COL4A4: variants seen among roughly 807,000 people sequenced by gnomAD.
The protein encoded by COL4A4 is collagen alpha-4(IV) chain.
A neutral mutation model predicts 192.9 loss-of-function variants in COL4A4; 105 were observed. That is an observed-to-expected ratio of 0.54 (90% CI 0.46 to 0.64). The LOEUF (loss-of-function observed/expected upper bound fraction) is 0.64. Ranked by LOEUF, COL4A4 falls within the 30% of genes least tolerant of loss-of-function variation. The probability of loss-of-function intolerance (pLI) is 0.00; values close to 1 mark genes in which losing one functional copy is unlikely to be tolerated. For synonymous variants in COL4A4, 762 were observed against 769.9 expected, an observed-to-expected ratio of 0.99 and a Z score of 0.17; for missense variants, 1,967 against 2,169.3, an observed-to-expected ratio of 0.91 and a Z score of 1.85.
rs1253372601 is a variant in COL4A4 at position 227,003,603 on chromosome 2, G to A, written c.*3722C>T. On this transcript the variant is annotated 3_prime_UTR_variant, in exon 48 of 48. Coordinates refer to ENST00000396625, the MANE Select transcript of COL4A4 (RefSeq NM_000092.5). ...TGGTTTGCTTTACTGTAATCTACAC[G>A]AGGTTCAAAATAAGATGATAAAGCC... 1 of 152,136 alleles carries A rather than the reference G, an allele frequency of 6.6e-6. No homozygotes were observed. The highest frequency in any genetic ancestry group is 6.5e-5 in the Admixed American group (1 of 15,278). The allele number at this position is 152,136 out of a possible 1,614,324, so 9.4% of individuals were successfully genotyped here.
chr2:227,143,919 G>A (rs1167561761), intron 3 of COL4A4, among the ~76,000 whole-genome samples: 1 of 152,198 alleles, frequency 6.6e-6, no homozygotes, highest in Non-Finnish European at 1.5e-5. Context: ...AGGTAATTTT[G>A]CACTTTGATT....
chr2:227,158,951 T>C (rs2064578246), intron 1 of COL4A4, among the ~76,000 whole-genome samples: 1 of 152,188 alleles, frequency 6.6e-6, no homozygotes. Context: ...AACCATTTCA[T>C]TCCTAGGTAT....
chr2:227,144,318 C>T (rs1413837909), intron 3 of COL4A4, among the ~76,000 whole-genome samples, 198 bp downstream of exon 3: 1 of 152,030 alleles, frequency 6.6e-6, no homozygotes, highest in African/African-American at 2.4e-5. Context: ...TAAAGAAATC[C>T]CCAATACCTA....
chr2:227,038,882 C>T (rs1047339654), intron 37 of COL4A4, among the ~76,000 whole-genome samples: 7 of 152,178 alleles, frequency 4.6e-5, no homozygotes, highest in African/African-American at 1.7e-4. Flanking sequence ...ATTTATACTG[C>T]AGATGTTTTA....
intron 27 of COL4A4, 35 bp downstream of exon 27, chr2:227,060,101 G>GGAAAAAAAA: frequency 4.0e-6 from 2 of 503,760 alleles, no homozygotes; most frequent in South Asian, 2.2e-5. Context: ...TCCCAAAGCA[G>GGAAAAAAAA]AAAAAAAAAA....
intron 1 of COL4A4, among the ~76,000 whole-genome samples, chr2:227,156,550 G>C (rs1204374189): frequency 6.6e-6 from 1 of 152,012 alleles, no homozygotes; most frequent in Non-Finnish European, 1.5e-5. Flanking sequence ...TAAACATCAG[G>C]AGAGAAAAAT....
chr2:227,111,826 TC>T, intron 8 of COL4A4, 113 bp from the exon 9 acceptor site: 1 of 1,168,464 alleles, frequency 8.6e-7, no homozygotes, highest in South Asian at 1.3e-5. Context: ...TGCAGTTTGT[TC>T]AATTTTTTTG....
chr2:227,113,601 G>C (rs1312704406), intron 8 of COL4A4, among the ~76,000 whole-genome samples: 3 of 152,106 alleles, frequency 2.0e-5, no homozygotes, highest in African/African-American at 7.2e-5. Flanking sequence ...AGTCACAGTG[G>C]AGAGTAAGCC....
At chr2:227,034,995 G>C (rs1240406977) in intron 37 of COL4A4, among the ~76,000 whole-genome samples, 2 of 151,640 alleles carry the variant, frequency 1.3e-5, no homozygotes, top group African/African-American at 4.8e-5. Flanking sequence ...TCTCAAATTT[G>C]GGATAAAAAT....
chr2:227,155,231 G>C (rs902309813), intron 1 of COL4A4, among the ~76,000 whole-genome samples: 2 of 151,472 alleles, frequency 1.3e-5, no homozygotes, highest in African/African-American at 4.9e-5. Context: ...GACTGCTGCA[G>C]AGTCCTCAGT....
chr2:227,057,736 G>C, intron 28 of COL4A4, 136 bp from the exon 29 acceptor site: 1 of 945,290 alleles, frequency 1.1e-6, no homozygotes, highest in East Asian at 2.6e-5. Context: ...TTAAGTCTTT[G>C]AGTGGATTTT....
intron 25 of COL4A4, among the ~76,000 whole-genome samples, chr2:227,063,576 GA>G (rs1385038937): frequency 1.3e-5 from 2 of 151,816 alleles, no homozygotes; most frequent in Admixed American, 6.5e-5. Context: ...TGTTACAAAA[GA>G]AAAAAACTTA....
At chr2:227,054,797 G>A (rs931334480) in intron 30 of COL4A4, 60 bp from the exon 31 acceptor site, 6 of 1,530,684 alleles carry the variant, frequency 3.9e-6, no homozygotes, top group Non-Finnish European at 5.3e-6. Flanking sequence ...TATTTTTTCA[G>A]GGGTGGGAGG....
chr2:227,097,333 C>A (rs555628659), intron 19 of COL4A4, among the ~76,000 whole-genome samples: 1 of 151,820 alleles, frequency 6.6e-6, no homozygotes, highest in Non-Finnish European at 1.5e-5. Flanking sequence ...TGTCACATAC[C>A]GAAAATGTAT....
rs756683938 is a variant in COL4A4 at position 227,043,098 on chromosome 2, A to T, written c.3376T>A (p.Ser1126Thr). 6.2e-7 allele frequency: 1 copy of T among 1,613,506 alleles called. No homozygotes were observed. The highest frequency in any genetic ancestry group is 8.5e-7 in the Non-Finnish European group (1 of 1,179,816). ...SPGRPGPPGS[S>T]GPPGCPGDHG... is the part of the protein sequence containing the mutation. ...GTACCTGGGCACCCTGGTGGTCCAGAGGAGCCAGGTGGCCCTGGCCTTCCA... is the reference window on the plus strand; with the variant it reads ...GTACCTGGGCACCCTGGTGGTCCAGTGGAGCCAGGTGGCCCTGGCCTTCCA... The change falls in exon 36 of 48, where the codon TCT (serine) becomes ACT (threonine). Residue 1126 changes from serine (S) to threonine (T), a missense_variant. Coordinates refer to ENST00000396625, the MANE Select transcript of COL4A4 (RefSeq NM_000092.5).
chr2:227,052,169 C>T (rs376526438), intron 32 of COL4A4, 136 bp downstream of exon 32: 7 of 619,570 alleles, frequency 1.1e-5, no homozygotes, highest in Middle Eastern at 4.3e-4. Context: ...CCAGCCTGGG[C>T]GACAAGAGCA....
In COL4A4 at chr2:227,032,210, G is replaced by A. The variant is rs189847470; in HGVS notation, c.3644C>T (p.Pro1215Leu). 24 of 1,614,128 alleles carry A rather than the reference G, an allele frequency of 1.5e-5. No individual in the cohort carries two copies. In the Admixed American group the frequency reaches 4.0e-4, roughly 27 times the overall value. The change falls in exon 39 of 48, where the codon CCT becomes CTT. Residue 1215 changes from proline (P) to leucine (L), a missense_variant. By Grantham distance (98) the Pro-to-Leu change is moderately conservative (BLOSUM62 -3). Transcript: ENST00000396625. Reference protein sequence around the residue: ...IPGLKGERGDPGSPGISPPGP... With the variant: ...IPGLKGERGDLGSPGISPPGP... Reference sequence around the variant, plus strand: ...TGGAGGAGAGATTCCTGGGCTCCCAGGGTCTCCTCTCTCCCCTTTTAGCCC... The same window carrying A: ...TGGAGGAGAGATTCCTGGGCTCCCAAGGTCTCCTCTCTCCCCTTTTAGCCC...
chr2:226,997,277 A>T, the COL4A4 span: 1 of 152,194 alleles, frequency 6.6e-6, no homozygotes, highest in African/African-American at 2.4e-5. Flanking sequence ...TTCAAGCTAA[A>T]TGTTACTGCT....
chr2:227,000,815 C>T (rs149921115), downstream of COL4A4, among the ~76,000 whole-genome samples: 36 of 151,986 alleles, frequency 2.4e-4, no homozygotes, highest in South Asian at 3.5e-3. Context: ...CATGGGGGAA[C>T]GTCTTTCCCA....
Sources: allele counts gnomAD v4.1 joint callset (sites outside exome capture counted in the v4.1 genomes callset), GRCh38; gene constraint gnomAD v4.1.1; transcripts MANE v1.5; gene names NCBI Gene and HGNC (gene_info 2026-07-23, HGNC 2026-07-21).